ST18: variants seen among roughly 807,000 people sequenced by gnomAD.
ST18 encodes ST18 C2H2C-type zinc finger transcription factor, also known as suppression of tumorigenicity 18 protein.
A neutral mutation model predicts 110.0 loss-of-function variants in ST18; 50 were observed. The ratio of observed to expected loss-of-function variants is 0.45; its 90% CI spans 0.36 to 0.58. The LOEUF is 0.58. Among genes scored for constraint, ST18 ranks in the 20% least tolerant of loss-of-function variants. The probability of loss-of-function intolerance (pLI) is 0.00; values close to 1 mark genes in which losing one functional copy is unlikely to be tolerated. For missense variants in ST18, 1,306 were observed against 1,280.1 expected (o/e 1.02, Z -0.31); for synonymous variants, 461 against 452.4 (o/e 1.02, Z -0.24).
intron 2 of ST18, among the ~76,000 whole-genome samples, chr8:52,376,977 A>G (rs1424365597): frequency 6.6e-6 from 1 of 152,218 alleles, no homozygotes; most frequent in African/African-American, 2.4e-5. Context: ...GAAACCATAT[A>G]TCTTAACTAA....
intron 2 of ST18, among the ~76,000 whole-genome samples, chr8:52,374,106 G>A (rs917887085): frequency 6.6e-6 from 1 of 152,112 alleles, no homozygotes; most frequent in Non-Finnish European, 1.5e-5. Context: ...CTCTGTACTG[G>A]GTTGAAGGGT....
chr8:52,287,667 AC>A (rs1362732472), intron 2 of ST18, among the ~76,000 whole-genome samples: 1 of 152,058 alleles, frequency 6.6e-6, no homozygotes. Flanking sequence ...CAACCAAGTA[AC>A]CCCCAAGCTT....
chr8:52,128,903 C>T (rs1406796397), intron 22 of ST18, among the ~76,000 whole-genome samples: 1 of 152,056 alleles, frequency 6.6e-6, no homozygotes, highest in African/African-American at 2.4e-5. Context: ...TATAAGGGTG[C>T]TGTCTGTGGG....
At chr8:52,213,508 G>T (rs1472113153) in intron 7 of ST18, among the ~76,000 whole-genome samples, 1 of 152,126 alleles carries the variant, frequency 6.6e-6, no homozygotes, top group Non-Finnish European at 1.5e-5. Flanking sequence ...AGAGGCTGTG[G>T]CGAACCTAGA....
chr8:52,132,912 C>T (rs2050277278), intron 21 of ST18, 145 bp downstream of exon 21: 2 of 883,464 alleles, frequency 2.3e-6, no homozygotes, highest in South Asian at 3.6e-5. Context: ...TTTCTCAAAC[C>T]ACCAAATAGT....
Position 52,202,180 on chromosome 8 carries a change from G to A in ST18, c.86+9899C>T, listed in dbSNP as rs1247032881. On this transcript the variant is annotated intron_variant, in intron 8 of 25. Transcript: ENST00000689386. The stretch of plus-strand genomic sequence containing the variant: ...AGGGAAAGAACTTAAGAACTTGGAA[G>A]GAAAGAAGTCACAGGCAGTTTAAAG... Among the ~76,000 whole-genome samples, 3 of 152,120 alleles carry A rather than the reference G, an allele frequency of 2.0e-5. No homozygotes were observed. The East Asian group carries it at 5.8e-4, about 29-fold the overall frequency.
rs528380145 is a variant in ST18, at chr8:52,234,435, T to C, written c.-464-4358A>G. Among the ~76,000 whole-genome samples, 11 of 152,138 alleles carry C rather than the reference T, an allele frequency of 7.2e-5. No homozygotes were observed. The South Asian group carries it at 2.3e-3, about 32-fold the overall frequency. On this transcript the variant is annotated intron_variant, in intron 2 of 25. Transcript: ENST00000689386. ...GCCTGCCACCGCACCCGGCTATTTT[T>C]TGTATTTTTAGTAGATATGGGGTTT...
rs1333164269 is a variant in ST18 at position 52,409,602 on chromosome 8, C to T, written c.-644G>A. 1 of 152,212 alleles carries T rather than the reference C, an allele frequency of 6.6e-6. No individual in the cohort carries two copies. Among genetic ancestry groups the T allele is most frequent in the Non-Finnish European group, 1.5e-5 (1 of 68,042 alleles). 9.4% of individuals were successfully genotyped at this position (152,212 alleles called of 1,614,324 possible). Reference sequence around the variant, plus strand: ...TGCGTGGGATGATGCCAGCTTCTCTCTTCATGTGGCCTTATTAAAAGCCAT... The same window carrying T: ...TGCGTGGGATGATGCCAGCTTCTCTTTTCATGTGGCCTTATTAAAAGCCAT... On this transcript the variant is annotated 5_prime_UTR_variant, in exon 1 of 26. Coordinates refer to ENST00000689386, the MANE Select transcript of ST18 (RefSeq NM_001352837.2).
intron 15 of ST18, among the ~76,000 whole-genome samples, chr8:52,155,408 A>G (rs974668507): frequency 6.6e-6 from 1 of 152,242 alleles, no homozygotes; most frequent in Admixed American, 6.5e-5. Flanking sequence ...CAAATAAATA[A>G]TTCCTTTGAA....
chr8:52,223,874 A>T (rs1285760953), intron 3 of ST18, among the ~76,000 whole-genome samples: 1 of 152,192 alleles, frequency 6.6e-6, no homozygotes, highest in East Asian at 1.9e-4. Flanking sequence ...TGGTTCTGAT[A>T]TAAACCATAG....
At chr8:52,305,793 T>TGCGTGGG (rs1424656009) in intron 2 of ST18, among the ~76,000 whole-genome samples, 2 of 152,324 alleles carry the variant, frequency 1.3e-5, no homozygotes, top group East Asian at 3.9e-4. Context: ...ACCACCATGG[T>TGCGTGGG]GCAAGCACTC....
intron 2 of ST18, among the ~76,000 whole-genome samples, chr8:52,285,362 C>T (rs2095452293): frequency 6.6e-6 from 1 of 152,166 alleles, no homozygotes; most frequent in Admixed American, 6.5e-5. Context: ...ACTTCTTGTT[C>T]CATATATCCA....
intron 2 of ST18, among the ~76,000 whole-genome samples, chr8:52,256,041 G>A (rs776383851): frequency 6.6e-6 from 1 of 152,184 alleles, no homozygotes; most frequent in Non-Finnish European, 1.5e-5. Flanking sequence ...GAGAGGGAGC[G>A]GAGCCTCCTA....
At chr8:52,225,145 A>G (rs1333624334) in intron 3 of ST18, among the ~76,000 whole-genome samples, 1 of 152,252 alleles carries the variant, frequency 6.6e-6, no homozygotes, top group East Asian at 1.9e-4. Flanking sequence ...AAAATAAAAC[A>G]TAGATCTCTT....
At chr8:52,215,121 G>C (rs2083648386) in intron 6 of ST18, among the ~76,000 whole-genome samples, 1 of 152,134 alleles carries the variant, frequency 6.6e-6, no homozygotes, top group South Asian at 2.1e-4. Context: ...GCGCTCAGTG[G>C]CTCCCATCCT....
In ST18 at chr8:52,395,480, T is replaced by C. The variant is rs536466794; in HGVS notation, c.-465+13848A>G. On this transcript the variant is annotated intron_variant, in intron 2 of 25. Transcript: ENST00000689386. ...AGGGCCTAAGGGAACCACGAAGATA[T>C]CTAGGTAAGAGCCCAGGAATCTCAT... Among the ~76,000 whole-genome samples, 11 of 152,214 alleles carry C rather than the reference T, an allele frequency of 7.2e-5. No individual in the cohort carries two copies. In the South Asian group the frequency reaches 2.3e-3, roughly 32 times the overall value.
intron 2 of ST18, among the ~76,000 whole-genome samples, chr8:52,370,868 T>A (rs1439189897): frequency 6.6e-6 from 1 of 152,204 alleles, no homozygotes; most frequent in Admixed American, 6.5e-5. Flanking sequence ...TTTGCATGTG[T>A]GTACTGAAAT....
intron 2 of ST18, among the ~76,000 whole-genome samples, chr8:52,310,203 C>G (rs772865956): frequency 6.6e-6 from 1 of 152,076 alleles, no homozygotes; most frequent in East Asian, 1.9e-4. Flanking sequence ...GATGATGGCC[C>G]GGCAATTATG....
intron 2 of ST18, among the ~76,000 whole-genome samples, chr8:52,308,055 T>C (rs1333699001): frequency 2.0e-5 from 3 of 152,202 alleles, no homozygotes; most frequent in Non-Finnish European, 2.9e-5. Flanking sequence ...GCCAGTGACA[T>C]ACTTTGGAAC....
Sources: allele counts gnomAD v4.1 joint callset (sites outside exome capture counted in the v4.1 genomes callset), GRCh38; gene constraint gnomAD v4.1.1; transcripts MANE v1.5; gene names NCBI Gene and HGNC (gene_info 2026-07-23, HGNC 2026-07-21).